The following GPC6 variants were observed in gnomAD, a reference collection of about 807,000 sequenced individuals.
The protein encoded by GPC6 is glypican 6.
In GPC6, 14 loss-of-function variants were observed where a neutral mutation model predicts 55.2. That is an observed-to-expected ratio of 0.25 (90% CI 0.17 to 0.40). The LOEUF is 0.40. GPC6 is among the 10% of genes least tolerant of loss of function. GPC6 has a pLI of 1.00. For synonymous variants in GPC6, 278 were observed against 259.6 expected, an observed-to-expected ratio of 1.07 and a Z score of -0.68; for missense variants, 641 against 708.5, an observed-to-expected ratio of 0.90 and a Z score of 1.08.
At chr13:94,075,232 C>T (rs1221373307) in intron 4 of GPC6, among the ~76,000 whole-genome samples, 2 of 152,106 alleles carry the variant, frequency 1.3e-5, no homozygotes, top group African/African-American at 2.4e-5. Flanking sequence ...TGTGTATGTG[C>T]GTGTGCACGT....
chr13:94,350,866 T>C (rs1485528451), intron 6 of GPC6, among the ~76,000 whole-genome samples: 3 of 151,978 alleles, frequency 2.0e-5, no homozygotes, highest in African/African-American at 7.3e-5. Flanking sequence ...GATATCTCAG[T>C]AGAACATGAG....
intron 4 of GPC6, among the ~76,000 whole-genome samples, chr13:94,247,610 G>C (rs1293103322): frequency 1.3e-5 from 2 of 152,102 alleles, no homozygotes; most frequent in African/African-American, 4.8e-5. Context: ...ATATGATCAA[G>C]TGGTTTTTGT....
intron 4 of GPC6, among the ~76,000 whole-genome samples, chr13:94,191,759 G>C (rs1021189609): frequency 6.6e-6 from 1 of 152,130 alleles, no homozygotes; most frequent in Non-Finnish European, 1.5e-5. Flanking sequence ...CTTCCCATGG[G>C]GAGCTCCTTT....
At chr13:93,709,170 A>G (rs991311021) in intron 2 of GPC6, among the ~76,000 whole-genome samples, 4 of 151,850 alleles carry the variant, frequency 2.6e-5, no homozygotes, top group Non-Finnish European at 5.9e-5. Context: ...ACAAGAAAGA[A>G]AGTAGGTTAT....
intron 1 of GPC6, among the ~76,000 whole-genome samples, chr13:93,490,514 G>GTTTTT (rs796098096): frequency 8.5e-5 from 3 of 35,320 alleles, no homozygotes; most frequent in African/African-American, 1.2e-4. Flanking sequence ...TTTTTTTTGA[G>GTTTTT]TTTTTTTTTT....
intron 4 of GPC6, among the ~76,000 whole-genome samples, chr13:94,096,921 A>G (rs1301481393): frequency 2.0e-5 from 3 of 152,164 alleles, no homozygotes; most frequent in Admixed American, 6.5e-5. Flanking sequence ...AAATCTATGA[A>G]TGGAACATGT....
chr13:94,201,532 C>T (rs942102612), intron 4 of GPC6, among the ~76,000 whole-genome samples: 11 of 152,078 alleles, frequency 7.2e-5, no homozygotes, highest in African/African-American at 2.4e-4. Flanking sequence ...TCTTCTTTTT[C>T]ACTTTTCCGA....
intron 1 of GPC6, among the ~76,000 whole-genome samples, chr13:93,517,109 T>G (rs1442592489): frequency 6.6e-6 from 1 of 152,092 alleles, no homozygotes; most frequent in East Asian, 1.9e-4. Flanking sequence ...CTGTGTACTA[T>G]TGTCACCAAA....
chr13:94,099,732 T>C lies in GPC6; in HGVS notation c.877+71838T>C, dbSNP rs142318004. ...ACTGAGGATCTTGGGACCGGGCTCT[T>C]ATGAAAGGGTTAGAACAAACCATTT... On this transcript the variant is annotated intron_variant, in intron 4 of 8. Transcript: ENST00000377047. Among the ~76,000 whole-genome samples the C allele has an allele frequency of 6.7e-3, 1,019 of 152,278 alleles. 12 individuals carry two copies. Among genetic ancestry groups the C allele is most frequent in the African/African-American group, 0.022 (915 of 41,568 alleles).
intron 3 of GPC6, among the ~76,000 whole-genome samples, chr13:93,852,050 T>C (rs1888421744): frequency 6.6e-6 from 1 of 151,728 alleles, no homozygotes; most frequent in Admixed American, 6.6e-5. Flanking sequence ...TATTCCAAAG[T>C]AGTTGACAAC....
chr13:94,105,985 T>C (rs1298235539), intron 4 of GPC6, among the ~76,000 whole-genome samples: 2 of 117,228 alleles, frequency 1.7e-5, no homozygotes, highest in Non-Finnish European at 3.6e-5. Context: ...CCAAGAGTTA[T>C]CCAGCTATCC....
chr13:93,894,418 A>T (rs1327299154), intron 3 of GPC6, among the ~76,000 whole-genome samples: 3 of 152,132 alleles, frequency 2.0e-5, no homozygotes, highest in African/African-American at 7.2e-5. Flanking sequence ...TTATTTTGTA[A>T]GCTATTTATA....
At chr13:94,324,433 A>T (rs924539204) in intron 6 of GPC6, among the ~76,000 whole-genome samples, 14 of 152,222 alleles carry the variant, frequency 9.2e-5, no homozygotes, top group Admixed American at 2.6e-4. Context: ...TAGCCTTTTT[A>T]AAAAAACTCC....
At chr13:94,258,687 C>T (rs543785067) in intron 4 of GPC6, among the ~76,000 whole-genome samples, 1 of 152,290 alleles carries the variant, frequency 6.6e-6, no homozygotes, top group South Asian at 2.1e-4. Flanking sequence ...GGCTTAGAGG[C>T]ACAACACTGA....
At chr13:93,453,613 C>T (rs1005978177) in intron 1 of GPC6, among the ~76,000 whole-genome samples, 3 of 142,338 alleles carry the variant, frequency 2.1e-5, no homozygotes, top group East Asian at 2.0e-4. Flanking sequence ...CGGATGTGTT[C>T]GGAGTTTCTT....
At chr13:93,790,065 A>G (rs1885979748) in intron 2 of GPC6, among the ~76,000 whole-genome samples, 1 of 152,198 alleles carries the variant, frequency 6.6e-6, no homozygotes, top group Non-Finnish European at 1.5e-5. Context: ...TTCAAATGTC[A>G]GTAGTAAGAA....
chr13:93,688,674 GACA>G (rs1218999486), intron 2 of GPC6, among the ~76,000 whole-genome samples: 3 of 152,038 alleles, frequency 2.0e-5, no homozygotes, highest in Admixed American at 6.6e-5. Flanking sequence ...GGCATAAAGA[GACA>G]ACAATTGCAT....
Position 93,830,540 on chromosome 13 carries a change from T to G in GPC6, c.706T>G (p.Ser236Ala). ...TVGREVANRV[S>A]KVSPTPGCIR... ...GGGCAGAGAAGTTGCAAACCGAGTT[T>G]CCAAGGTAATTGAAAACGTGCTTTC... The change falls in exon 3 of 9, where the codon TCC becomes GCC. Residue 236 changes from serine (S) to alanine (A), a missense_variant. Transcript: ENST00000377047. The G allele has an allele frequency of 6.2e-7, 1 of 1,609,770 alleles. No homozygotes were observed. Among genetic ancestry groups the G allele is most frequent in the Non-Finnish European group, 8.5e-7 (1 of 1,178,202 alleles).
At chr13:94,111,721 C>G (rs1886256346) in intron 4 of GPC6, among the ~76,000 whole-genome samples, 1 of 152,022 alleles carries the variant, frequency 6.6e-6, no homozygotes, top group African/African-American at 2.4e-5. Context: ...ATTTACATGA[C>G]AGTCTAGATT....
Sources: allele counts gnomAD v4.1 joint callset (sites outside exome capture counted in the v4.1 genomes callset), GRCh38; gene constraint gnomAD v4.1.1; transcripts MANE v1.5; gene names NCBI Gene and HGNC (gene_info 2026-07-23, HGNC 2026-07-21).